The following SH2D7 variants were observed in gnomAD, a reference collection of about 807,000 sequenced individuals.
SH2D7 encodes the protein SH2 domain-containing protein 7.
In SH2D7, 32 loss-of-function variants were observed where a neutral mutation model predicts 40.8. The ratio of observed to expected loss-of-function variants is 0.78; its 90% CI spans 0.59 to 1.05. The LOEUF is 1.05. Among genes scored for constraint, SH2D7 ranks in the 50% least tolerant of loss-of-function variants. The pLI is 0.00. For synonymous variants in SH2D7, 195 were observed against 221.5 expected, an observed-to-expected ratio of 0.88 and a Z score of 1.06; for missense variants, 559 against 566.6, an observed-to-expected ratio of 0.99 and a Z score of 0.14.
chr15:78,101,353 CA>C lies in SH2D7; in HGVS notation c.1101del (p.Asp368ThrfsTer113). The C allele has an allele frequency of 6.2e-7, 1 of 1,613,510 alleles. No homozygotes were observed. Among genetic ancestry groups the C allele is most frequent in the South Asian group, 1.1e-5 (1 of 91,054 alleles). ...CTCCTGCAAGAGGCCAGGGACACAC[CA>C]GACCAAGAAGGCAGCACCTATGAGC... Reference protein sequence around the residue: ...EGLLQEARDTPDQEGSTYEQI... With the variant: ...EGLLQEARDTXDQEGSTYEQI... On this transcript the variant is annotated frameshift_variant, in exon 5 of 6. Coordinates refer to ENST00000328828, the MANE Select transcript of SH2D7 (RefSeq NM_001101404.2). LOFTEE classifies it high-confidence loss of function.
At chr15:78,102,203 C>T (rs1269945243) in intron 5 of SH2D7, among the ~76,000 whole-genome samples, 2 of 152,210 alleles carry the variant, frequency 1.3e-5, no homozygotes, top group East Asian at 1.9e-4. Context: ...GTCAAGATTG[C>T]ACCACTGCAC....
rs1596342716 is a variant in SH2D7 at position 78,101,652 on chromosome 15, G to C, written c.1305+94G>C. 8 of 1,382,958 alleles carry C rather than the reference G, an allele frequency of 5.8e-6. No individual in the cohort carries two copies. In the East Asian group the frequency reaches 1.9e-4, roughly 34 times the overall value. 85.7% of individuals were successfully genotyped at this position (1,382,958 alleles called of 1,614,324 possible). A position where few individuals can be genotyped will look rare whatever the true frequency, so the allele number is the denominator to read the frequency against. On this transcript the variant is annotated intron_variant, in intron 5 of 5. Transcript: ENST00000328828. Reference sequence around the variant, plus strand: ...AAGCCCCCAGGCATAGGCAGGTCAGGTCACCGCCACTGCCTGGAAGTACAC... The same window carrying C: ...AAGCCCCCAGGCATAGGCAGGTCAGCTCACCGCCACTGCCTGGAAGTACAC...
chr15:78,091,466 G>A (rs1011902940), upstream of SH2D7, among the ~76,000 whole-genome samples: 3 of 152,118 alleles, frequency 2.0e-5, no homozygotes, highest in Admixed American at 6.5e-5. Context: ...GAGACCCCAC[G>A]TCAGTCCCAG....
At position 78,100,881 on chromosome 15, in the gene SH2D7, C is replaced by T; in HGVS notation, c.646-18C>T. The T allele has an allele frequency of 6.2e-7, 1 of 1,608,212 alleles. No individual in the cohort carries two copies. The highest frequency in any genetic ancestry group is 1.3e-5 in the African/African-American group (1 of 74,820). On this transcript the variant is annotated intron_variant, in intron 4 of 5. Coordinates refer to ENST00000328828, the MANE Select transcript of SH2D7 (RefSeq NM_001101404.2). ...GATGGGCTGCCCCTTAAGAGTTTCTCTGTCCCTGTCTCCCCAGGCTCCCAT... is the reference window on the plus strand; with the variant it reads ...GATGGGCTGCCCCTTAAGAGTTTCTTTGTCCCTGTCTCCCCAGGCTCCCAT...
intron 2 of SH2D7, 61 bp downstream of exon 2, chr15:78,094,262 T>A: frequency 6.6e-7 from 1 of 1,526,000 alleles, no homozygotes; most frequent in Non-Finnish European, 8.9e-7. Flanking sequence ...CCTTGCAGAT[T>A]AGTGCAGAGG....
intron 4 of SH2D7, among the ~76,000 whole-genome samples, chr15:78,100,242 G>A (rs2074004450): frequency 6.6e-6 from 1 of 152,216 alleles, no homozygotes; most frequent in Admixed American, 6.5e-5. Flanking sequence ...TTTGTCAAAT[G>A]AGTGATGGAC....
chr15:78,100,911 G>A lies in SH2D7; in HGVS notation c.658G>A (p.Val220Met). The change falls in exon 5 of 6, where the codon GTG becomes ATG. Residue 220 changes from valine (V) to methionine (M), a missense_variant. Val to Met is a conservative substitution (Grantham distance 21, BLOSUM62 1). Transcript: ENST00000328828. ...QEESMEAPIR[V>M]SPLPEKSSSL... The stretch of plus-strand genomic sequence containing the variant: ...CCTGTCTCCCCAGGCTCCCATCAGA[G>A]TGTCTCCACTCCCTGAGAAGAGTTC... 6.2e-7 allele frequency: 1 copy of A among 1,613,518 alleles called. No homozygotes were observed. Among genetic ancestry groups the A allele is most frequent in the Non-Finnish European group, 8.5e-7 (1 of 1,179,794 alleles).
intron 4 of SH2D7, among the ~76,000 whole-genome samples, chr15:78,100,060 T>G (rs1022370339): frequency 3.3e-5 from 5 of 152,208 alleles, no homozygotes; most frequent in Non-Finnish European, 7.3e-5. Context: ...CTCCATTGTC[T>G]TGTGATATAT....
At position 78,098,548 on chromosome 15, in the gene SH2D7, A is replaced by T. The variant is rs777093147; in HGVS notation, c.597A>T (p.Lys199Asn). The T allele has an allele frequency of 2.6e-5, 42 of 1,613,848 alleles. No individual in the cohort carries two copies. Among genetic ancestry groups the T allele is most frequent in the Non-Finnish European group, 3.4e-5 (40 of 1,179,884 alleles). Residue 199 changes from lysine (K) to asparagine (N), a missense_variant, in exon 4 of 6, where the codon AAA (lysine) becomes AAT (asparagine). By Grantham distance (94) the Lys-to-Asn change is moderately conservative. Coordinates refer to ENST00000328828, the MANE Select transcript of SH2D7 (RefSeq NM_001101404.2). ...KPQVSFLHAQ[K>N]SLDVSPRNLS... ...AGGTCTCCTTCCTCCATGCACAGAAAAGCCTGGATGTGAGTCCCCGGAACC... is the reference window on the plus strand; with the variant it reads ...AGGTCTCCTTCCTCCATGCACAGAATAGCCTGGATGTGAGTCCCCGGAACC...
intron 5 of SH2D7, among the ~76,000 whole-genome samples, chr15:78,103,119 C>G (rs1001510097): frequency 3.3e-5 from 5 of 152,120 alleles, no homozygotes; most frequent in African/African-American, 1.2e-4. Context: ...ACAGCTTCAC[C>G]CCACCCTACC....
Position 78,103,636 on chromosome 15 carries a change from C to T in SH2D7, c.*121C>T. ...TGGATCTTGAGACTCATCCAGCCTG[C>T]TACAGAACTAGGCTCCGAGACAGCC... On this transcript the variant is annotated 3_prime_UTR_variant, in exon 6 of 6. Coordinates refer to ENST00000328828, the MANE Select transcript of SH2D7 (RefSeq NM_001101404.2). 1 of 1,244,618 alleles carries T rather than the reference C, an allele frequency of 8.0e-7. No individual in the cohort carries two copies. 77.1% of individuals were successfully genotyped at this position (1,244,618 alleles called of 1,614,324 possible).
At position 78,103,856 on chromosome 15, in the gene SH2D7, C is replaced by G; in HGVS notation, c.*341C>G. 3.2e-6 allele frequency: 1 copy of G among 307,942 alleles called. No homozygotes were observed. The highest frequency in any genetic ancestry group is 4.2e-5 in the South Asian group (1 of 23,600). The allele number at this position is 307,942 out of a possible 1,614,324, so 19.1% of individuals were successfully genotyped here. A position where few individuals can be genotyped will look rare whatever the true frequency, so the allele number is the denominator to read the frequency against. On this transcript the variant is annotated 3_prime_UTR_variant, in exon 6 of 6. Transcript: ENST00000328828. ...GCCCAGGCAGACTGACTGAACCTGC[C>G]TCCCACTACTGAGCACTTACCGAAT...
chr15:78,097,761 G>A (rs2073982189), intron 2 of SH2D7, among the ~76,000 whole-genome samples, 168 bp from the exon 3 acceptor site: 1 of 152,048 alleles, frequency 6.6e-6, no homozygotes, highest in African/African-American at 2.4e-5. Context: ...GCTTCCTGAT[G>A]AACACACCAT....
intron 3 of SH2D7, 28 bp from the exon 4 acceptor site, chr15:78,098,356 C>A: frequency 1.2e-6 from 2 of 1,609,648 alleles, no homozygotes; most frequent in East Asian, 2.2e-5. Flanking sequence ...TGTGTGACCA[C>A]ATACCTGCCG....
intron 5 of SH2D7, among the ~76,000 whole-genome samples, chr15:78,102,100 A>C (rs532987804): frequency 1.3e-5 from 2 of 152,226 alleles, no homozygotes; most frequent in East Asian, 3.9e-4. Flanking sequence ...AAAAAATACA[A>C]AAAATTGCCA....
At chr15:78,100,789 G>A (rs1411423467) in intron 4 of SH2D7, 110 bp from the exon 5 acceptor site, 5 of 1,211,268 alleles carry the variant, frequency 4.1e-6, no homozygotes, top group Middle Eastern at 2.2e-4. Context: ...GTACGGGCAG[G>A]AGGACTATAG....
rs369745820 is a variant in SH2D7, at chr15:78,092,659, G to A, written c.75G>A (p.Glu25=). 8.3e-6 allele frequency: 13 copies of A among 1,575,076 alleles called. No homozygotes were observed. Among genetic ancestry groups the A allele is most frequent in the African/African-American group, 4.1e-5 (3 of 73,864 alleles). Residue 25 remains glutamate (E), a synonymous_variant, in exon 1 of 6, where the codon GAG becomes GAA. Coordinates refer to ENST00000328828, the MANE Select transcript of SH2D7 (RefSeq NM_001101404.2). ...EGAGDSQALA[E]LQELALKWFM... is the part of the protein sequence containing the mutation. ...CAGGGGACAGCCAGGCCCTGGCTGA[G>A]CTCCAGGAGCTTGCCCTGAAGTGGT...
Position 78,092,630 on chromosome 15 carries a change from G to C in SH2D7, c.46G>C (p.Gly16Arg), listed in dbSNP as rs202156060. 9.4e-5 allele frequency: 146 copies of C among 1,556,584 alleles called. No homozygotes were observed. The highest frequency in any genetic ancestry group is 1.2e-4 in the Non-Finnish European group (139 of 1,150,140). ...KQLSLGRDPE[G>R]AGDSQALAEL... ...GCTCAGCCTGGGGAGAGATCCTGAGGGGGCAGGGGACAGCCAGGCCCTGGC... is the reference window on the plus strand; with the variant it reads ...GCTCAGCCTGGGGAGAGATCCTGAGCGGGCAGGGGACAGCCAGGCCCTGGC... Residue 16 changes from glycine to arginine, a missense_variant, in exon 1 of 6, where the codon GGG (glycine) becomes CGG (arginine). Gly to Arg is a moderately radical substitution (Grantham distance 125). Coordinates refer to ENST00000328828, the MANE Select transcript of SH2D7 (RefSeq NM_001101404.2).
In SH2D7 at chr15:78,098,608, T is replaced by G; in HGVS notation, c.645+12T>G. On this transcript the variant is annotated intron_variant, in intron 4 of 5. Coordinates refer to ENST00000328828, the MANE Select transcript of SH2D7 (RefSeq NM_001101404.2). The stretch of plus-strand genomic sequence containing the variant: ...AGGAAAGCATGGAGGTGAGGAGCAT[T>G]ATGGGCCACCTAGAGTCAGGGTTGC... The G allele has an allele frequency of 6.2e-7, 1 of 1,611,294 alleles. No individual in the cohort carries two copies. The highest frequency in any genetic ancestry group is 8.5e-7 in the Non-Finnish European group (1 of 1,178,794).
Sources: gnomAD v4.1 joint callset for allele counts (sites outside exome capture counted in the v4.1 genomes callset) on GRCh38, gnomAD v4.1.1 for gene constraint, MANE v1.5 for transcripts, NCBI Gene and HGNC (gene_info 2026-07-23, HGNC 2026-07-21) for gene names.